Variants in TMEM71 observed in about 807,000 individuals in gnomAD.
TMEM71 encodes transmembrane protein 71.
TMEM71 carries 44 observed loss-of-function variants against 38.0 expected under a neutral mutation model. That is an observed-to-expected ratio of 1.16 (90% CI 0.91 to 1.49). The LOEUF is 1.49. TMEM71 is among the 40% of genes most tolerant of loss of function. The pLI is 0.00. For synonymous variants in TMEM71, 133 were observed against 122.5 expected (o/e 1.09, Z -0.56); for missense variants, 367 against 348.6 (o/e 1.05, Z -0.42).
chr8:132,771,309 G>A, the TMEM71 span, among the ~76,000 whole-genome samples: 3 of 152,172 alleles, frequency 2.0e-5, no homozygotes, highest in African/African-American at 7.2e-5. Context: ...AGGGTTGGAT[G>A]ATAAATTTTC....
upstream of TMEM71, among the ~76,000 whole-genome samples, chr8:132,763,743 T>C (rs1829330844): frequency 6.6e-6 from 1 of 152,214 alleles, no homozygotes; most frequent in African/African-American, 2.4e-5. Context: ...AACGTTCATG[T>C]GTTGCAAATG....
intron 4 of TMEM71, among the ~76,000 whole-genome samples, chr8:132,750,744 G>A (rs1249004429): frequency 6.6e-6 from 1 of 152,178 alleles, no homozygotes; most frequent in African/African-American, 2.4e-5. Flanking sequence ...AATGCAAAGT[G>A]AACTCATCCA....
the TMEM71 span, chr8:132,775,342 C>T: frequency 8.6e-6 from 3 of 350,266 alleles, no homozygotes; most frequent in African/African-American, 2.1e-5. Flanking sequence ...GGCCCGCTTC[C>T]GGCACGTCGC....
chr8:132,727,763 T>C (rs1827228658), intron 6 of TMEM71, 35 bp downstream of exon 6: 1 of 1,524,806 alleles, frequency 6.6e-7, no homozygotes, highest in East Asian at 2.3e-5. Flanking sequence ...AAGAATTCTT[T>C]GGGTGTGGCA....
At chr8:132,763,491 C>A (rs2553604), upstream of TMEM71, among the ~76,000 whole-genome samples, 39,775 of 152,042 alleles carry the variant, frequency 0.26, 5,928 homozygotes, top group South Asian at 0.43. Context: ...ATATTCAGTC[C>A]TCCACTGTTA....
Position 132,740,706 on chromosome 8 carries a change from C to A in TMEM71, c.487+6236G>T, listed in dbSNP as rs567031650. On this transcript the variant is annotated intron_variant, in intron 5 of 9. Coordinates refer to ENST00000677595, the MANE Select transcript of TMEM71 (RefSeq NM_001382403.1). The stretch of plus-strand genomic sequence containing the variant: ...CAATTGCATGTAAGGGAAAGGACAA[C>A]GGTGGAGTTGAAGACGCGACCAGCC... Among the ~76,000 whole-genome samples, 37 of 152,312 alleles carry A rather than the reference C, an allele frequency of 2.4e-4. No individual in the cohort carries two copies. The South Asian group carries it at 7.7e-3, about 32-fold the overall frequency.
chr8:132,749,672 G>C (rs1383971135), intron 4 of TMEM71, among the ~76,000 whole-genome samples: 2 of 152,180 alleles, frequency 1.3e-5, no homozygotes, highest in African/African-American at 4.8e-5. Context: ...GCTTCAAGGT[G>C]GGTCACCAGT....
chr8:132,707,489 C>T (rs568748799), downstream of TMEM71, among the ~76,000 whole-genome samples: 17 of 152,190 alleles, frequency 1.1e-4, no homozygotes, highest in South Asian at 2.5e-3. Flanking sequence ...GGGCTCAGCC[C>T]TCATGAATGA....
chr8:132,757,198 A>C (rs1456430994), intron 3 of TMEM71, 36 bp downstream of exon 3: 55 of 1,539,230 alleles, frequency 3.6e-5, no homozygotes, highest in Non-Finnish European at 4.9e-5. Flanking sequence ...GCCCGGCCAG[A>C]ATGATTATTT....
intron 5 of TMEM71, among the ~76,000 whole-genome samples, chr8:132,736,372 G>C (rs1827745683): frequency 6.6e-6 from 1 of 152,184 alleles, no homozygotes; most frequent in Admixed American, 6.5e-5. Flanking sequence ...TAACCACTGA[G>C]AGGAAGAGGC....
At chr8:132,771,043 A>C in the TMEM71 span, among the ~76,000 whole-genome samples, 1 of 152,226 alleles carries the variant, frequency 6.6e-6, no homozygotes, top group Non-Finnish European at 1.5e-5. Context: ...GAGAGGTGCA[A>C]AGTATCACAT....
chr8:132,746,464 C>CATATACATATACAT (rs1563753814), intron 5 of TMEM71, among the ~76,000 whole-genome samples: 5 of 17,636 alleles, frequency 2.8e-4, no homozygotes, highest in Non-Finnish European at 6.7e-4. Context: ...TATATATATA[C>CATATACATATACAT]ATATATATAT....
At chr8:132,711,902 T>C (rs905386744) in intron 9 of TMEM71, among the ~76,000 whole-genome samples, 11 of 152,112 alleles carry the variant, frequency 7.2e-5, no homozygotes, top group African/African-American at 2.7e-4. Context: ...ATTCTCATCA[T>C]TGATTGTTAG....
intron 5 of TMEM71, among the ~76,000 whole-genome samples, chr8:132,728,581 A>C (rs984580411): frequency 5.9e-5 from 9 of 152,244 alleles, no homozygotes; most frequent in African/African-American, 2.2e-4. Flanking sequence ...AAGGTTGAAG[A>C]GAAATATCTT....
At chr8:132,766,788 AAAAAAAATAAAAAT>A in the TMEM71 span, among the ~76,000 whole-genome samples, 1 of 76,424 alleles carries the variant, frequency 1.3e-5, no homozygotes, top group Non-Finnish European at 3.6e-5. Flanking sequence ...CTGTCTAAAA[AAAAAAAATAAAAAT>A]AAAAAAGATG....
chr8:132,715,225 T>A (rs1337699389), intron 7 of TMEM71, among the ~76,000 whole-genome samples: 4 of 150,038 alleles, frequency 2.7e-5, no homozygotes, highest in Non-Finnish European at 1.5e-5. Context: ...GCTAACACGG[T>A]GAAACCCTGT....
chr8:132,724,182 T>C (rs1827003567), intron 6 of TMEM71, among the ~76,000 whole-genome samples: 1 of 152,182 alleles, frequency 6.6e-6, no homozygotes, highest in African/African-American at 2.4e-5. Context: ...CATACTGTCT[T>C]GATAAACATC....
At chr8:132,720,931 GA>G (rs1287514436) in intron 7 of TMEM71, among the ~76,000 whole-genome samples, 2 of 152,182 alleles carry the variant, frequency 1.3e-5, no homozygotes, top group Non-Finnish European at 2.9e-5. Context: ...TTCTTCTAGG[GA>G]GAGGCAGATC....
the TMEM71 span, among the ~76,000 whole-genome samples, chr8:132,774,649 C>T: frequency 3.8e-3 from 574 of 152,318 alleles, 3 homozygotes; most frequent in Middle Eastern, 0.01. Context: ...ATATTATTTT[C>T]AATGTGTTCA....
Sources: allele counts gnomAD v4.1 joint callset (sites outside exome capture counted in the v4.1 genomes callset), GRCh38; gene constraint gnomAD v4.1.1; transcripts MANE v1.5; gene names NCBI Gene and HGNC (gene_info 2026-07-23, HGNC 2026-07-21).